The following EIF3L variants were observed in gnomAD, a reference collection of about 807,000 sequenced individuals.
The protein encoded by EIF3L is eIEF associated protein HSPC021.
EIF3L carries 32 observed loss-of-function variants against 74.6 expected under a neutral mutation model. The observed-to-expected ratio is 0.43, with a 90% confidence interval of 0.32 to 0.58. The LOEUF is 0.58. Ranked by LOEUF, EIF3L falls within the 20% of genes least tolerant of loss-of-function variation. EIF3L has a pLI of 0.06. For synonymous variants in EIF3L, 256 were observed against 254.4 expected (o/e 1.01, Z -0.06); for missense variants, 474 against 707.8 (o/e 0.67, Z 3.75).
intron 5 of EIF3L, among the ~76,000 whole-genome samples, chr22:37,860,801 GTTTA>G (rs1284941557): frequency 6.6e-6 from 1 of 152,202 alleles, no homozygotes; most frequent in African/African-American, 2.4e-5. Context: ...ACTCTTGGCT[GTTTA>G]TTCTCAACAT....
At chr22:37,860,501 T>TA (rs1925800175) in intron 5 of EIF3L, among the ~76,000 whole-genome samples, 3 of 152,296 alleles carry the variant, frequency 2.0e-5, no homozygotes, top group East Asian at 3.9e-4. Flanking sequence ...GCCTCCTGAG[T>TA]AGCTGGGATT....
At chr22:37,856,277 G>A (rs1362279857) in intron 4 of EIF3L, among the ~76,000 whole-genome samples, 2 of 152,014 alleles carry the variant, frequency 1.3e-5, no homozygotes, top group South Asian at 4.2e-4. Context: ...GGGTTTCACC[G>A]TGTTGGCCAG....
chr22:37,855,175 G>A (rs1260449694), intron 3 of EIF3L, among the ~76,000 whole-genome samples: 1 of 152,200 alleles, frequency 6.6e-6, no homozygotes, highest in Non-Finnish European at 1.5e-5. Context: ...TTGGACTGCA[G>A]CAGACTGATT....
chr22:37,861,664 C>T (rs1484951565), intron 5 of EIF3L, among the ~76,000 whole-genome samples: 3 of 151,658 alleles, frequency 2.0e-5, no homozygotes, highest in African/African-American at 4.8e-5. Flanking sequence ...AGCCTAGGCA[C>T]CAGAGCGAGA....
In EIF3L at chr22:37,886,753, T is replaced by C; in HGVS notation, c.1576-12T>C. The C allele has an allele frequency of 6.2e-7, 1 of 1,604,668 alleles. No individual in the cohort carries two copies. The highest frequency in any genetic ancestry group is 8.5e-7 in the Non-Finnish European group (1 of 1,173,894). On this transcript the variant is annotated splice_polypyrimidine_tract_variant and intron_variant, in intron 11 of 12. Coordinates refer to ENST00000652021, the MANE Select transcript of EIF3L (RefSeq NM_016091.4). ...CCTGGCTGCTCTTCCCTGACTGTGC[T>C]TTCCCCCACAGGACATGATCCACAT...
chr22:37,884,875 T>G (rs573671773), intron 11 of EIF3L: 2 of 147,430 alleles, frequency 1.4e-5, no homozygotes, highest in South Asian at 4.2e-4. Context: ...AAGAAAACTT[T>G]CTCCCTTGCC....
intron 7 of EIF3L, among the ~76,000 whole-genome samples, chr22:37,869,238 C>T (rs968439482): frequency 1.3e-5 from 2 of 152,192 alleles, no homozygotes; most frequent in African/African-American, 4.8e-5. Flanking sequence ...AGGCAAAGCC[C>T]GTACCTCAGC....
intron 3 of EIF3L, among the ~76,000 whole-genome samples, chr22:37,852,438 G>A (rs1312879474): frequency 1.3e-5 from 2 of 152,144 alleles, no homozygotes; most frequent in Non-Finnish European, 2.9e-5. Flanking sequence ...GCTGAACTCC[G>A]CAGGTTTTGA....
chr22:37,878,197 T>A, intron 11 of EIF3L, 26 bp downstream of exon 11: 2 of 1,567,976 alleles, frequency 1.3e-6, no homozygotes, highest in Non-Finnish European at 1.7e-6. Flanking sequence ...GGGCTTGGGG[T>A]CTTGTATTAA....
chr22:37,881,132 A>G (rs773642318), intron 11 of EIF3L: 8 of 152,270 alleles, frequency 5.3e-5, no homozygotes, highest in African/African-American at 1.9e-4. Context: ...GCAACATAGC[A>G]GTAGCTTCCT....
chr22:37,868,795 A>G (rs1191013486), intron 7 of EIF3L, among the ~76,000 whole-genome samples: 1 of 151,660 alleles, frequency 6.6e-6, no homozygotes, highest in African/African-American at 2.4e-5. Context: ...GGCATGTATC[A>G]CTGTACCTGG....
At chr22:37,859,673 C>T (rs551663107) in intron 5 of EIF3L, among the ~76,000 whole-genome samples, 1 of 151,586 alleles carries the variant, frequency 6.6e-6, no homozygotes, top group South Asian at 2.1e-4. Context: ...TGAGCCACCA[C>T]GCCCGGCCTA....
intron 8 of EIF3L, among the ~76,000 whole-genome samples, chr22:37,873,498 C>T (rs1481088738): frequency 6.6e-6 from 1 of 151,936 alleles, no homozygotes. Flanking sequence ...GGGGTTTCAC[C>T]TAGCCAGGAT....
intron 8 of EIF3L, among the ~76,000 whole-genome samples, chr22:37,872,872 C>G (rs2145828906): frequency 6.6e-6 from 1 of 152,196 alleles, no homozygotes; most frequent in East Asian, 1.9e-4. Context: ...ATGTGTGAGC[C>G]ACTGTGCCCA....
At chr22:37,857,821 A>T (rs994599430) in intron 4 of EIF3L, among the ~76,000 whole-genome samples, 1 of 152,112 alleles carries the variant, frequency 6.6e-6, no homozygotes, top group African/African-American at 2.4e-5. Flanking sequence ...GGCATGAGCC[A>T]CTGCACCTGG....
At chr22:37,881,546 T>G (rs952581775) in intron 11 of EIF3L, 1 of 152,072 alleles carries the variant, frequency 6.6e-6, no homozygotes, top group Non-Finnish European at 1.5e-5. Flanking sequence ...GTAGCTGGGA[T>G]GTACAGGGAT....
intron 11 of EIF3L, chr22:37,879,842 C>T (rs371156676): frequency 6.6e-6 from 1 of 151,250 alleles, no homozygotes; most frequent in Non-Finnish European, 1.5e-5. Flanking sequence ...TTCTGTCGTC[C>T]AGGCTGGAGT....
chr22:37,879,899 A>G (rs1464940549), intron 11 of EIF3L: 2 of 149,424 alleles, frequency 1.3e-5, no homozygotes, highest in East Asian at 2.0e-4. Context: ...TCCCGGGTTC[A>G]TGCGATTCTC....
rs1249684287 is a variant in EIF3L, at chr22:37,863,381, G to A, written c.579+36G>A. 3 of 1,520,888 alleles carry A rather than the reference G, an allele frequency of 2.0e-6. No homozygotes were observed. In the Admixed American group the frequency reaches 5.4e-5, roughly 27 times the overall value. The allele number at this position is 1,520,888 out of a possible 1,614,324, so 94.2% of individuals were successfully genotyped here. A position where few individuals can be genotyped will look rare whatever the true frequency, so the allele number is the denominator to read the frequency against. On this transcript the variant is annotated intron_variant, in intron 7 of 12. Coordinates refer to ENST00000652021, the MANE Select transcript of EIF3L (RefSeq NM_016091.4). ...AGCTTCAGCCTAATTTGAAATAACT[G>A]GTCCATGCCAGGAATAGCTGTTACT...
Sources: gnomAD v4.1 joint callset for allele counts (sites outside exome capture counted in the v4.1 genomes callset) on GRCh38, gnomAD v4.1.1 for gene constraint, MANE v1.5 for transcripts, NCBI Gene and HGNC (gene_info 2026-07-23, HGNC 2026-07-21) for gene names.